CFLAR: variants seen among roughly 807,000 people sequenced by gnomAD.
The protein encoded by CFLAR is CASP8 and FADD like apoptosis regulator.
CFLAR carries 14 observed loss-of-function variants against 51.1 expected under a neutral mutation model. The observed-to-expected ratio is 0.27, with a 90% CI of 0.18 to 0.43. The LOEUF (loss-of-function observed/expected upper bound fraction) is 0.43, where lower values mean the gene tolerates loss of function less well. Among genes scored for constraint, CFLAR ranks in the 20% least tolerant of loss-of-function variants. The probability of loss-of-function intolerance (pLI) is 1.00; values close to 1 mark genes in which losing one functional copy is unlikely to be tolerated. For missense variants in CFLAR, 390 were observed against 566.5 expected (o/e 0.69, Z 3.16); for synonymous variants, 210 against 211.6 (o/e 0.99, Z 0.06).
In CFLAR at chr2:201,150,333, C is replaced by CAA. The variant is rs56975072; in HGVS notation, c.793+511_793+512dup. On this transcript the variant is annotated intron_variant, in intron 8 of 9. Transcript: ENST00000309955. Reference sequence around the variant, plus strand: ...TGGGTGACAGAGCAAGATTCTGTCTCAAAAAAAAAAAAAATTAGCTGGTGT... The same window carrying CAA: ...TGGGTGACAGAGCAAGATTCTGTCTCAAAAAAAAAAAAAAAATTAGCTGGTGT... 1,052 of 135,458 alleles carry CAA rather than the reference C, an allele frequency of 7.8e-3. 4 individuals are homozygous for CAA. The highest frequency in any genetic ancestry group is 0.024 in the Middle Eastern group (6 of 254). The allele number at this position is 135,458 out of a possible 1,614,324, so 8.4% of individuals were successfully genotyped here. A position where few individuals can be genotyped will look rare whatever the true frequency, so the allele number is the denominator to read the frequency against.
chr2:201,117,012 G>T (rs1167018781), intron 1 of CFLAR: 1 of 152,192 alleles, frequency 6.6e-6, no homozygotes, highest in Non-Finnish European at 1.5e-5. Context: ...TTCTTGGGGT[G>T]AACTGTTGAG....
chr2:201,132,909 T>C (rs924533118), intron 2 of CFLAR, 120 bp from the exon 3 acceptor site: 1 of 965,186 alleles, frequency 1.0e-6, no homozygotes. Flanking sequence ...GGGAGGGACA[T>C]ATTTACACAG....
rs1334031234 is a variant in CFLAR at position 201,175,090 on chromosome 2, A to T, written c.*11117A>T. On this transcript the variant is annotated 3_prime_UTR_variant, in exon 10 of 10. Coordinates refer to ENST00000309955, the MANE Select transcript of CFLAR (RefSeq NM_003879.7). The stretch of plus-strand genomic sequence containing the variant: ...GACCTCCCCACTTCTTTCCTGGAAA[A>T]CTCATGAATAAGCCACCTCTTGTTT... 6.6e-6 allele frequency: 1 copy of T among 152,160 alleles called. No homozygotes were observed. Among genetic ancestry groups the T allele is most frequent in the Non-Finnish European group, 1.5e-5 (1 of 68,052 alleles). The allele number at this position is 152,160 out of a possible 1,614,324, so 9.4% of individuals were successfully genotyped here.
In CFLAR at chr2:201,166,341, G is replaced by A. The variant is rs552921900; in HGVS notation, c.*2368G>A. ...TTCTCAGACGGGGTGGCTGCTGGGC[G>A]GAGACGCTCCTCACTTCCCAGACAG... On this transcript the variant is annotated 3_prime_UTR_variant, in exon 10 of 10. Transcript: ENST00000309955. The A allele has an allele frequency of 6.5e-5, 11 of 168,026 alleles. No individual in the cohort carries two copies. The highest frequency in any genetic ancestry group is 1.4e-4 in the African/African-American group (6 of 41,424). The allele number at this position is 168,026 out of a possible 1,614,324, so 10.4% of individuals were successfully genotyped here.
At chr2:201,147,021 C>T (rs1305242308) in intron 6 of CFLAR, among the ~76,000 whole-genome samples, 2 of 152,154 alleles carry the variant, frequency 1.3e-5, no homozygotes, top group African/African-American at 4.8e-5. Flanking sequence ...AATTAGTATT[C>T]CGAAGCCTGT....
intron 8 of CFLAR, chr2:201,154,584 C>T (rs1941846496): frequency 6.6e-6 from 1 of 152,206 alleles, no homozygotes; most frequent in African/African-American, 2.4e-5. Flanking sequence ...GGAAGAATAC[C>T]TGCTATGTAG....
intron 4 of CFLAR, chr2:201,136,567 C>T: frequency 1.4e-6 from 2 of 1,460,806 alleles, no homozygotes; most frequent in Non-Finnish European, 1.8e-6. Context: ...TCGATTTCTT[C>T]CTTGATAAAA....
chr2:201,119,509 C>A (rs1321517129), intron 1 of CFLAR, among the ~76,000 whole-genome samples: 2 of 152,112 alleles, frequency 1.3e-5, no homozygotes, highest in Non-Finnish European at 2.9e-5. Flanking sequence ...CTTGCAGAAC[C>A]CGGTCGTTCT....
intron 1 of CFLAR, among the ~76,000 whole-genome samples, chr2:201,125,339 T>C (rs547905535): frequency 2.6e-5 from 4 of 152,094 alleles, no homozygotes; most frequent in Non-Finnish European, 5.9e-5. Context: ...GGTCCCAGCT[T>C]TATGTGAAAG....
chr2:201,144,190 G>A (rs1016239544), intron 5 of CFLAR: 1 of 152,218 alleles, frequency 6.6e-6, no homozygotes, highest in Non-Finnish European at 1.5e-5. Flanking sequence ...AACAGATAGT[G>A]TATTTCACTC....
intron 4 of CFLAR, 55 bp from the exon 5 acceptor site, chr2:201,140,302 T>C (rs1438920688): frequency 2.3e-5 from 36 of 1,583,848 alleles, no homozygotes; most frequent in Non-Finnish European, 3.1e-5. Context: ...TATTGAAGAT[T>C]TATTTGATAA....
intron 1 of CFLAR, among the ~76,000 whole-genome samples, chr2:201,125,180 G>T (rs575401889): frequency 1.9e-4 from 29 of 152,320 alleles, no homozygotes; most frequent in African/African-American, 7.0e-4. Context: ...ATTGCTGATT[G>T]TCCCTTTTGC....
At chr2:201,130,172 T>C in intron 2 of CFLAR, 26 bp downstream of exon 2, 1 of 78,094 alleles carries the variant, frequency 1.3e-5, no homozygotes, top group Non-Finnish European at 3.0e-5. Flanking sequence ...TTCCTGAGGC[T>C]GGGTGGGTGG....
chr2:201,145,503 T>A lies in CFLAR; in HGVS notation c.661+71T>A, dbSNP rs575079661. 1.0e-5 allele frequency: 10 copies of A among 1,001,788 alleles called. No individual in the cohort carries two copies. The African/African-American group carries it at 1.3e-4, about 13-fold the overall frequency. 62.1% of individuals were successfully genotyped at this position (1,001,788 alleles called of 1,614,324 possible). On this transcript the variant is annotated intron_variant, in intron 6 of 9. Coordinates refer to ENST00000309955, the MANE Select transcript of CFLAR (RefSeq NM_003879.7). ...AATTCTAGTACAAATATTGCATTTT[T>A]AGAGTTGGTCATTTCCTTTATCTAC...
At chr2:201,146,497 G>A (rs1940198394) in intron 6 of CFLAR, 1 of 152,188 alleles carries the variant, frequency 6.6e-6, no homozygotes, top group South Asian at 2.1e-4. Flanking sequence ...TGGTCAGGCT[G>A]GTCTCAAACT....
chr2:201,122,606 A>AGTT (rs1441630617), intron 1 of CFLAR: 16 of 152,244 alleles, frequency 1.1e-4, no homozygotes, highest in Admixed American at 7.2e-4. Context: ...GACAGTACTC[A>AGTT]ACTGAGTCTC....
chr2:201,160,401 GTTTTCC>G (rs2125926850), intron 8 of CFLAR, 25 bp from the exon 9 acceptor site: 1 of 1,600,116 alleles, frequency 6.2e-7, no homozygotes, highest in African/African-American at 1.3e-5. Flanking sequence ...CTCCAGTGTT[GTTTTCC>G]GTGTTTGTTT....
chr2:201,143,994 C>T (rs1441858346), intron 5 of CFLAR: 1 of 152,060 alleles, frequency 6.6e-6, no homozygotes, highest in East Asian at 1.9e-4. Flanking sequence ...CAATACAATG[C>T]TTTTAAAATC....
At chr2:201,123,003 G>A (rs2048332395) in intron 1 of CFLAR, among the ~76,000 whole-genome samples, 1 of 152,204 alleles carries the variant, frequency 6.6e-6, no homozygotes, top group Non-Finnish European at 1.5e-5. Context: ...GTTAGTTACA[G>A]TGGGCAATCC....
Sources: gnomAD v4.1 joint callset for allele counts (sites outside exome capture counted in the v4.1 genomes callset) on GRCh38, gnomAD v4.1.1 for gene constraint, MANE v1.5 for transcripts, NCBI Gene and HGNC (gene_info 2026-07-23, HGNC 2026-07-21) for gene names.